The following STPG2 variants were observed in gnomAD, a reference collection of about 807,000 sequenced individuals.
STPG2 encodes the protein sperm tail PG-rich repeat containing 2, also known as sperm-tail PG-rich repeat-containing protein 2.
Under a neutral mutation model 54.2 loss-of-function variants are expected in STPG2, and 56 were observed. The ratio of observed to expected loss-of-function variants is 1.03; its 90% CI spans 0.83 to 1.29. The LOEUF is 1.29. Among genes scored for constraint, STPG2 ranks in the 50% most tolerant of loss-of-function variants. STPG2 has a pLI of 0.00. For missense variants in STPG2, 596 were observed against 544.9 expected, an observed-to-expected ratio of 1.09 and a Z score of -0.93; for synonymous variants, 200 against 181.8, an observed-to-expected ratio of 1.10 and a Z score of -0.81.
chr4:97,940,451 G>C (rs1308142888), intron 8 of STPG2, among the ~76,000 whole-genome samples: 2 of 151,968 alleles, frequency 1.3e-5, no homozygotes, highest in Non-Finnish European at 1.5e-5. Flanking sequence ...TCACAGACTT[G>C]GCCTCTTAAA....
intron 10 of STPG2, among the ~76,000 whole-genome samples, chr4:97,651,651 T>C (rs1463094718): frequency 6.6e-6 from 1 of 152,040 alleles, no homozygotes; most frequent in African/African-American, 2.4e-5. Flanking sequence ...AAAAGCACAT[T>C]TTCCCCTCTT....
intron 9 of STPG2, among the ~76,000 whole-genome samples, chr4:97,759,432 GT>G (rs1725825350): frequency 1.3e-5 from 2 of 152,220 alleles, no homozygotes; most frequent in Admixed American, 6.5e-5. Context: ...TAAATTCTAT[GT>G]TTTAACCAAT....
At chr4:97,617,013 G>A (rs956690952) in intron 10 of STPG2, among the ~76,000 whole-genome samples, 1 of 152,034 alleles carries the variant, frequency 6.6e-6, no homozygotes, top group African/African-American at 2.4e-5. Context: ...TATTGTCCCA[G>A]TATGTTAGTT....
intron 9 of STPG2, among the ~76,000 whole-genome samples, chr4:97,777,867 A>T (rs2149067926): frequency 6.6e-6 from 1 of 152,342 alleles, no homozygotes; most frequent in Admixed American, 6.5e-5. Context: ...CTGATAGAGT[A>T]TCAAACTGAG....
chr4:97,447,973 C>T (rs1224649832), intron 4 of STPG2, among the ~76,000 whole-genome samples: 3 of 152,034 alleles, frequency 2.0e-5, no homozygotes, highest in African/African-American at 7.2e-5. Context: ...AAGAACTGCC[C>T]AAGGCTGTGG....
chr4:97,531,268 T>G (rs775206112), intron 4 of STPG2, among the ~76,000 whole-genome samples: 1 of 152,172 alleles, frequency 6.6e-6, no homozygotes, highest in Non-Finnish European at 1.5e-5. Context: ...GAATGTAAAT[T>G]AGCACAACCA....
chr4:97,500,100 G>A lies in STPG2; in HGVS notation c.462+212599C>T, dbSNP rs72684405. On this transcript the variant is annotated intron_variant, in intron 4 of 4. Transcript: ENST00000522676. ...GGAGGGGCAAGAACAGAAGCAAGGG[G>A]ACCAATTAGGAAGATATATCAATAA... 7.7e-3 allele frequency among the ~76,000 whole-genome samples: 1,171 copies of A among 152,044 alleles called. 9 individuals carry two copies. Among genetic ancestry groups the A allele is most frequent in the Non-Finnish European group, 9.5e-3 (643 of 67,966 alleles).
At chr4:98,081,783 T>C (rs981506152) in intron 5 of STPG2, among the ~76,000 whole-genome samples, 2 of 152,182 alleles carry the variant, frequency 1.3e-5, no homozygotes, top group Non-Finnish European at 2.9e-5. Flanking sequence ...TGCAAACTCT[T>C]CTAATGCATA....
At chr4:98,098,469 A>C (rs1738927203) in intron 5 of STPG2, among the ~76,000 whole-genome samples, 1 of 152,228 alleles carries the variant, frequency 6.6e-6, no homozygotes, top group East Asian at 1.9e-4. Context: ...ACAAAAATCA[A>C]ATCAAAATGG....
At chr4:98,066,225 T>C (rs1280747035) in intron 5 of STPG2, among the ~76,000 whole-genome samples, 2 of 152,168 alleles carry the variant, frequency 1.3e-5, no homozygotes, top group Non-Finnish European at 2.9e-5. Flanking sequence ...AAAGGAAAAT[T>C]CAGTATGGGA....
intron 10 of STPG2, among the ~76,000 whole-genome samples, chr4:97,611,353 CA>C (rs1733725644): frequency 6.6e-6 from 1 of 151,500 alleles, no homozygotes. Flanking sequence ...ATGATGGTAA[CA>C]CACACACAAA....
At chr4:97,570,783 A>G (rs1732579623) in intron 10 of STPG2, among the ~76,000 whole-genome samples, 1 of 152,056 alleles carries the variant, frequency 6.6e-6, no homozygotes, top group South Asian at 2.1e-4. Flanking sequence ...TTCTCTAAAA[A>G]TTTGTTATTT....
chr4:97,970,534 A>G (rs1216568207), intron 7 of STPG2, among the ~76,000 whole-genome samples: 4 of 152,204 alleles, frequency 2.6e-5, no homozygotes, highest in African/African-American at 9.7e-5. Flanking sequence ...ATCTTTGACA[A>G]ACCTGAGAAA....
At chr4:97,650,285 T>G (rs904401902) in intron 10 of STPG2, among the ~76,000 whole-genome samples, 1 of 152,114 alleles carries the variant, frequency 6.6e-6, no homozygotes, top group African/African-American at 2.4e-5. Context: ...ATCTCTATCC[T>G]AGAAGACCAA....
At chr4:97,899,807 T>C (rs112378611) in intron 8 of STPG2, among the ~76,000 whole-genome samples, 6,123 of 152,030 alleles carry the variant, frequency 0.04, 406 homozygotes, top group African/African-American at 0.14. Context: ...TTATACCATA[T>C]ACAAAAATCA....
At chr4:97,593,317 C>A (rs1005270285) in intron 10 of STPG2, among the ~76,000 whole-genome samples, 1 of 152,174 alleles carries the variant, frequency 6.6e-6, no homozygotes, top group African/African-American at 2.4e-5. Flanking sequence ...CCTTCCACTG[C>A]TTTGCCAGTG....
chr4:97,959,754 A>G (rs1733817387), intron 7 of STPG2, among the ~76,000 whole-genome samples: 1 of 152,120 alleles, frequency 6.6e-6, no homozygotes, highest in Admixed American at 6.5e-5. Context: ...TCAAAGCTGA[A>G]TTCTACCAGA....
intron 4 of STPG2, among the ~76,000 whole-genome samples, chr4:97,524,442 C>A (rs1158239251): frequency 2.0e-5 from 3 of 151,822 alleles, no homozygotes; most frequent in Non-Finnish European, 4.4e-5. Flanking sequence ...GATTCATTTG[C>A]TGTTTTATTA....
chr4:97,442,092 G>A (rs983548738), intron 4 of STPG2, among the ~76,000 whole-genome samples: 15 of 151,482 alleles, frequency 9.9e-5, no homozygotes, highest in African/African-American at 3.4e-4. Context: ...CTACCTATAT[G>A]AAAATATTTT....
Sources: gnomAD v4.1 joint callset for allele counts (sites outside exome capture counted in the v4.1 genomes callset) on GRCh38, gnomAD v4.1.1 for gene constraint, MANE v1.5 for transcripts, NCBI Gene and HGNC (gene_info 2026-07-23, HGNC 2026-07-21) for gene names.